Variants in ATM observed in about 807,000 individuals in gnomAD.
ATM encodes the protein serine-protein kinase ATM.
Under a neutral mutation model 387.0 loss-of-function variants are expected in ATM, and 308 were observed. That is an observed-to-expected ratio of 0.80 (90% CI 0.73 to 0.87). ATM has a LOEUF of 0.87. Ranked by LOEUF, ATM falls within the 40% of genes least tolerant of loss-of-function variation. The probability of loss-of-function intolerance (pLI) is 0.00; values close to 1 mark genes in which losing one functional copy is unlikely to be tolerated. For missense variants in ATM, 3,312 were observed against 3,560.9 expected, an observed-to-expected ratio of 0.93 and a Z score of 1.78; for synonymous variants, 1,156 against 1,187.3, an observed-to-expected ratio of 0.97 and a Z score of 0.54.
chr11:108,367,623 C>T lies in ATM; in HGVS notation c.*2115C>T. Reference sequence around the variant, plus strand: ...ATTGAGCTTTCTCCTCGTATTTGGACCTTGAAGGTTATATAAATTTTTTTC... The same window carrying T: ...ATTGAGCTTTCTCCTCGTATTTGGATCTTGAAGGTTATATAAATTTTTTTC... On this transcript the variant is annotated 3_prime_UTR_variant, in exon 63 of 63. Coordinates refer to ENST00000675843, the MANE Select transcript of ATM (RefSeq NM_000051.4). 1 of 208,762 alleles carries T rather than the reference C, an allele frequency of 4.8e-6. No homozygotes were observed. Among genetic ancestry groups the T allele is most frequent in the Non-Finnish European group, 9.8e-6 (1 of 102,406 alleles). The allele number at this position is 208,762 out of a possible 1,614,324, so 12.9% of individuals were successfully genotyped here.
At chr11:108,294,767 T>A (rs1156443284) in intron 31 of ATM, among the ~76,000 whole-genome samples, 160 bp from the exon 32 acceptor site, 1 of 152,136 alleles carries the variant, frequency 6.6e-6, no homozygotes, top group East Asian at 1.9e-4. Context: ...ATTGTAGGGT[T>A]TGCAGTGGAA....
chr11:108,239,923 A>G (rs746088711), intron 5 of ATM, among the ~76,000 whole-genome samples: 14 of 152,236 alleles, frequency 9.2e-5, no homozygotes, highest in Non-Finnish European at 1.3e-4. Flanking sequence ...ACTGTCAATT[A>G]TTCAGTTTCT....
intron 25 of ATM, among the ~76,000 whole-genome samples, chr11:108,283,209 A>G (rs1032873392): frequency 6.6e-6 from 1 of 152,172 alleles, no homozygotes; most frequent in African/African-American, 2.4e-5. Flanking sequence ...TTAATATTTG[A>G]TCATCTTTCC....
At chr11:108,346,538 C>T (rs73545033) in intron 58 of ATM, 1,598 of 151,556 alleles carry the variant, frequency 0.011, 20 homozygotes, top group African/African-American at 0.036. Flanking sequence ...CCCTCCATCA[C>T]TTACATACTA....
chr11:108,290,005 A>G, intron 29 of ATM: 2 of 519,770 alleles, frequency 3.8e-6, no homozygotes, highest in Admixed American at 6.5e-5. Context: ...CTACAGGAGC[A>G]TACCACCATG....
At chr11:108,357,910 A>G (rs1470761567) in intron 61 of ATM, among the ~76,000 whole-genome samples, 1 of 151,150 alleles carries the variant, frequency 6.6e-6, no homozygotes, top group Admixed American at 6.6e-5. Context: ...AAAGGAACGC[A>G]GTTCCTCACC....
intron 37 of ATM, among the ~76,000 whole-genome samples, chr11:108,307,260 G>A (rs530830232): frequency 7.3e-5 from 11 of 151,080 alleles, no homozygotes; most frequent in Middle Eastern, 6.9e-3. Flanking sequence ...AGCAATTCCC[G>A]TGCCTCAGCC....
chr11:108,304,434 A>G (rs553782046), intron 36 of ATM, among the ~76,000 whole-genome samples: 146 of 152,328 alleles, frequency 9.6e-4, no homozygotes, highest in Non-Finnish European at 2.4e-4. Context: ...GGAAATAAAC[A>G]GTTACAGTGT....
intron 5 of ATM, among the ~76,000 whole-genome samples, chr11:108,240,649 A>T (rs1421349177): frequency 6.6e-6 from 1 of 152,108 alleles, no homozygotes. Context: ...TAGAGGAGGT[A>T]CAGTAAAAGT....
rs2135705663 is a variant in ATM at position 108,284,287 on chromosome 11, G to A, written c.3807G>A (p.Lys1269=). 1.2e-6 allele frequency: 2 copies of A among 1,613,490 alleles called. No homozygotes were observed. The highest frequency in any genetic ancestry group is 2.2e-5 in the South Asian group (2 of 91,068). The change falls in exon 26 of 63, where the codon AAG becomes AAA. Residue 1269 remains lysine, a synonymous_variant. Coordinates refer to ENST00000675843, the MANE Select transcript of ATM (RefSeq NM_000051.4). ...TTAGAAGTCATTTTGATGAGGTGAA[G>A]TCCATTGCTAATCAGATTCAAGAGG... The part of the protein sequence containing the change: ...LVIRSHFDEV[K]SIANQIQEDW...
chr11:108,247,990 CA>C (rs1417210185), intron 8 of ATM, among the ~76,000 whole-genome samples: 2 of 152,200 alleles, frequency 1.3e-5, no homozygotes, highest in Admixed American at 6.5e-5. Context: ...AGCCACTAAT[CA>C]ATCTTGGTTT....
chr11:108,301,294 C>G (rs181928707), intron 34 of ATM, among the ~76,000 whole-genome samples: 18 of 152,232 alleles, frequency 1.2e-4, no homozygotes, highest in African/African-American at 4.3e-4. Context: ...TTTAGATCTT[C>G]AAGGGACTTT....
chr11:108,264,448 C>G (rs2081095806), intron 16 of ATM, among the ~76,000 whole-genome samples: 1 of 152,178 alleles, frequency 6.6e-6, no homozygotes, highest in South Asian at 2.1e-4. Context: ...ATGCCAAAAA[C>G]TCTGAATAAA....
At position 108,268,401 on chromosome 11, in the gene ATM, T is replaced by A; in HGVS notation, c.2639-9T>A. 1 of 1,613,128 alleles carries A rather than the reference T, an allele frequency of 6.2e-7. No individual in the cohort carries two copies. The highest frequency in any genetic ancestry group is 8.5e-7 in the Non-Finnish European group (1 of 1,179,808). On this transcript the variant is annotated splice_polypyrimidine_tract_variant and intron_variant, in intron 17 of 62. Coordinates refer to ENST00000675843, the MANE Select transcript of ATM (RefSeq NM_000051.4). ...TCTCTTAGTGTTAATGAGTGCTTTT[T>A]ATTTTTAGGTGCCATTAATCCTTTA... is the stretch of plus-strand genomic sequence containing the variant.
intron 56 of ATM, 147 bp downstream of exon 56, chr11:108,336,108 G>GGC: frequency 1.6e-6 from 1 of 610,812 alleles, no homozygotes; most frequent in Non-Finnish European, 2.9e-6. Flanking sequence ...ACCAGCCTCA[G>GGC]CAACATAGTG....
intron 39 of ATM, 23 bp downstream of exon 39, chr11:108,310,338 G>T (rs1277471379): frequency 1.9e-6 from 3 of 1,604,596 alleles, no homozygotes; most frequent in South Asian, 1.1e-5. Flanking sequence ...AGAATTTTTG[G>T]TTTTTAAAAT....
intron 17 of ATM, 134 bp from the exon 18 acceptor site, chr11:108,268,276 G>A (rs2081370997): frequency 5.5e-6 from 4 of 727,980 alleles, no homozygotes; most frequent in Non-Finnish European, 9.2e-6. Flanking sequence ...GAAGCTTTCA[G>A]TATATAATTA....
intron 1 of ATM, chr11:108,224,863 T>C (rs549089297): frequency 6.6e-6 from 1 of 152,340 alleles, no homozygotes; most frequent in East Asian, 1.9e-4. Context: ...CAGATATGAC[T>C]TCATGAGGGT....
At chr11:108,284,738 T>A (rs988669464) in intron 26 of ATM, among the ~76,000 whole-genome samples, 12 of 152,192 alleles carry the variant, frequency 7.9e-5, no homozygotes, top group Non-Finnish European at 1.6e-4. Context: ...CATTTAAAAA[T>A]TTATTTTAAC....
Sources: allele counts gnomAD v4.1 joint callset (sites outside exome capture counted in the v4.1 genomes callset), GRCh38; gene constraint gnomAD v4.1.1; transcripts MANE v1.5; gene names NCBI Gene and HGNC (gene_info 2026-07-23, HGNC 2026-07-21).